Variants in CRKL observed in about 807,000 individuals in gnomAD.
The protein encoded by CRKL is crk-like protein.
A neutral mutation model predicts 23.0 loss-of-function variants in CRKL; 3 were observed. The ratio of observed to expected loss-of-function variants is 0.13; its 90% CI spans 0.06 to 0.34. The LOEUF is 0.34. Ranked by LOEUF, CRKL falls within the 10% of genes least tolerant of loss-of-function variation. The pLI is 1.00. For synonymous variants in CRKL, 188 were observed against 160.7 expected (o/e 1.17, Z -1.28); for missense variants, 256 against 394.5 (o/e 0.65, Z 2.97).
chr22:20,917,802 C>A lies in CRKL; in HGVS notation c.-133C>A. ...CGGAGCCGAGAGGAAAGTGCTGGCC[C>A]AGCCCTCTGAGCGCTCCTCGAGGTG... On this transcript the variant is annotated 5_prime_UTR_variant, in exon 1 of 3. Transcript: ENST00000354336. The A allele has an allele frequency of 1.2e-6, 1 of 864,862 alleles. No individual in the cohort carries two copies. Among genetic ancestry groups the A allele is most frequent in the South Asian group, 1.8e-5 (1 of 56,048 alleles). The allele number at this position is 864,862 out of a possible 1,614,324, so 53.6% of individuals were successfully genotyped here. A position where few individuals can be genotyped will look rare whatever the true frequency, so the allele number is the denominator to read the frequency against.
Position 20,952,305 on chromosome 22 carries a change from C to T in CRKL, c.*2460C>T, listed in dbSNP as rs1323799716. 7 of 229,252 alleles carry T rather than the reference C, an allele frequency of 3.1e-5. No homozygotes were observed. Among genetic ancestry groups the T allele is most frequent in the South Asian group, 1.8e-4 (1 of 5,480 alleles). 14.2% of individuals were successfully genotyped at this position (229,252 alleles called of 1,614,324 possible). A position where few individuals can be genotyped will look rare whatever the true frequency, so the allele number is the denominator to read the frequency against. ...CAATACCCCGACTCACCTTGTGTGG[C>T]GCACTTCAGAATCAGATATACCTAG... On this transcript the variant is annotated 3_prime_UTR_variant, in exon 3 of 3. Transcript: ENST00000354336.
At chr22:20,929,321 C>G (rs186297156) in intron 1 of CRKL, among the ~76,000 whole-genome samples, 114 of 151,330 alleles carry the variant, frequency 7.5e-4, no homozygotes, top group African/African-American at 2.7e-3. Context: ...CCTGCCACCA[C>G]GCTCAGCTAA....
chr22:20,918,129 G>C lies in CRKL; in HGVS notation c.195G>C (p.Ser65=), dbSNP rs2147891816. 1.2e-6 allele frequency: 2 copies of C among 1,614,126 alleles called. No individual in the cohort carries two copies. Among genetic ancestry groups the C allele is most frequent in the Non-Finnish European group, 8.5e-7 (1 of 1,180,030 alleles). ...NSRVSHYIIN[S]LPNRRFKIGD... ...GGGTCTCCCACTACATCATCAACTC[G>C]CTGCCCAACCGCCGTTTTAAGATCG... is the stretch of plus-strand genomic sequence containing the variant. Residue 65 remains serine (S), a synonymous_variant, in exon 1 of 3, where the codon TCG becomes TCC. Coordinates refer to ENST00000354336, the MANE Select transcript of CRKL (RefSeq NM_005207.4).
chr22:20,922,066 G>T (rs1244437349), intron 1 of CRKL, among the ~76,000 whole-genome samples: 1 of 129,970 alleles, frequency 7.7e-6, no homozygotes, highest in Non-Finnish European at 1.6e-5. Context: ...AGGCTAGAGT[G>T]CAGTGGCCCA....
intron 1 of CRKL, among the ~76,000 whole-genome samples, chr22:20,919,553 T>G (rs990166789): frequency 2.0e-5 from 3 of 152,220 alleles, no homozygotes; most frequent in Non-Finnish European, 4.4e-5. Flanking sequence ...TAGCAGAGAT[T>G]TGCTTTTATT....
At position 20,952,107 on chromosome 22, in the gene CRKL, T is replaced by TCCC; in HGVS notation, c.*2262_*2263insCCC. On this transcript the variant is annotated 3_prime_UTR_variant, in exon 3 of 3. Transcript: ENST00000354336. ...GCCCATGTTGAGCCATGAGTGGAGT[T>TCCC]TCCAACAGAGGGAGGAATGTGTGCC... 2 of 227,164 alleles carry TCCC rather than the reference T, an allele frequency of 8.8e-6. No homozygotes were observed. The highest frequency in any genetic ancestry group is 8.7e-6 in the Non-Finnish European group (1 of 115,268). 14.1% of individuals were successfully genotyped at this position (227,164 alleles called of 1,614,324 possible).
Position 20,928,874 on chromosome 22 carries a change from A to G in CRKL, c.312-4905A>G, listed in dbSNP as rs763875148. ...AGCACCTTTGAAACTTCCTTTTTCT[A>G]GAAGTTGATTGTATTGGTTCTTAGC... On this transcript the variant is annotated intron_variant, in intron 1 of 2. Transcript: ENST00000354336. Among the ~76,000 whole-genome samples the G allele has an allele frequency of 4.7e-4, 71 of 150,524 alleles. No individual in the cohort carries two copies. In the Middle Eastern group the frequency reaches 0.01, roughly 22 times the overall value.
rs59011694 is a variant in CRKL, at chr22:20,950,395, T to C, written c.*550T>C. 1 of 232,914 alleles carries C rather than the reference T, an allele frequency of 4.3e-6. No homozygotes were observed. Among genetic ancestry groups the C allele is most frequent in the Non-Finnish European group, 8.5e-6 (1 of 118,060 alleles). 14.4% of individuals were successfully genotyped at this position (232,914 alleles called of 1,614,324 possible). ...TTAATTAGACTTGTGTGGGGGTTTT[T>C]TTTTGTTTTGTTTTGTTTGTTTTGT... On this transcript the variant is annotated 3_prime_UTR_variant, in exon 3 of 3. Transcript: ENST00000354336.
rs546025185 is a variant in CRKL, at chr22:20,931,967, A to G, written c.312-1812A>G. Reference sequence around the variant, plus strand: ...AGTGGGACTACAGGCACCCACCACCATGCCCGGCTAATTTTTTGTATTTTT... The same window carrying G: ...AGTGGGACTACAGGCACCCACCACCGTGCCCGGCTAATTTTTTGTATTTTT... On this transcript the variant is annotated intron_variant, in intron 1 of 2. Transcript: ENST00000354336. Among the ~76,000 whole-genome samples, 6 of 152,114 alleles carry G rather than the reference A, an allele frequency of 3.9e-5. No homozygotes were observed. The South Asian group carries it at 1.2e-3, about 32-fold the overall frequency.
chr22:20,948,225 G>A (rs1163205674), intron 2 of CRKL, among the ~76,000 whole-genome samples: 1 of 152,124 alleles, frequency 6.6e-6, no homozygotes, highest in Non-Finnish European at 1.5e-5. Context: ...TCAATCCTTA[G>A]CCTCATCTTT....
Position 20,949,977 on chromosome 22 carries a change from G to C in CRKL, c.*132G>C, listed in dbSNP as rs1287960932. 4.0e-6 allele frequency: 5 copies of C among 1,235,690 alleles called. No individual in the cohort carries two copies. Among genetic ancestry groups the C allele is most frequent in the South Asian group, 1.6e-5 (1 of 63,594 alleles). The allele number at this position is 1,235,690 out of a possible 1,614,324, so 76.5% of individuals were successfully genotyped here. ...TCCAGCTTTCTGCAGACTGGCAGTC[G>C]CACACACATTTGGAATGCACACAGC... On this transcript the variant is annotated 3_prime_UTR_variant, in exon 3 of 3. Transcript: ENST00000354336.
rs567876179 is a variant in CRKL, at chr22:20,917,966, G to T, written c.32G>T (p.Arg11Leu). Residue 11 changes from arginine (R) to leucine (L), a missense_variant, in exon 1 of 3, where the codon CGC becomes CTC. Arg to Leu is a moderately radical substitution (Grantham distance 102). Around this residue, in one of 3 missense-constraint regions of CRKL, gnomAD observed 85 missense variants for 139.8 expected, o/e 0.61. Coordinates refer to ENST00000354336, the MANE Select transcript of CRKL (RefSeq NM_005207.4). ...TCCGCCAGGTTCGACTCCTCGGACC[G>T]CTCCGCCTGGTATATGGGGCCGGTG... The part of the protein sequence containing the change: MSSARFDSSD[R>L]SAWYMGPVSR... 5.0e-6 allele frequency: 8 copies of T among 1,614,048 alleles called. No homozygotes were observed. Among genetic ancestry groups the T allele is most frequent in the Non-Finnish European group, 6.8e-6 (8 of 1,180,016 alleles).
chr22:20,942,721 A>C (rs1921924181), intron 2 of CRKL, among the ~76,000 whole-genome samples: 1 of 152,098 alleles, frequency 6.6e-6, no homozygotes, highest in African/African-American at 2.4e-5. Flanking sequence ...CCTGGGTTCA[A>C]GCGATTTCTC....
chr22:20,952,480 C>T lies in CRKL; in HGVS notation c.*2635C>T, dbSNP rs918549148. On this transcript the variant is annotated 3_prime_UTR_variant, in exon 3 of 3. Transcript: ENST00000354336. ...ATGTGCCAAAACTAGTAAAACTTAA[C>T]GGACTTACAACCTTGTCAGTTTTTT... 5 of 230,544 alleles carry T rather than the reference C, an allele frequency of 2.2e-5. No individual in the cohort carries two copies. Among genetic ancestry groups the T allele is most frequent in the East Asian group, 6.2e-5 (1 of 16,136 alleles). The allele number at this position is 230,544 out of a possible 1,614,324, so 14.3% of individuals were successfully genotyped here.
At chr22:20,923,169 G>C (rs1182038227) in intron 1 of CRKL, among the ~76,000 whole-genome samples, 2 of 152,016 alleles carry the variant, frequency 1.3e-5, no homozygotes. Flanking sequence ...AGAAAATAAT[G>C]TACTGTACTC....
Position 20,952,997 on chromosome 22 carries a change from T to G in CRKL, c.*3152T>G, listed in dbSNP as rs921852412. ...CTGGGAGCTCATGTGTCCCTGGCGC[T>G]GTGCTAGCTTTCCTTTACAGCTGTT... On this transcript the variant is annotated 3_prime_UTR_variant, in exon 3 of 3. Transcript: ENST00000354336. 1 of 231,824 alleles carries G rather than the reference T, an allele frequency of 4.3e-6. No homozygotes were observed. Among genetic ancestry groups the G allele is most frequent in the Non-Finnish European group, 8.5e-6 (1 of 117,004 alleles). The allele number at this position is 231,824 out of a possible 1,614,324, so 14.4% of individuals were successfully genotyped here.
chr22:20,918,345 C>T (rs1929767027), intron 1 of CRKL, 100 bp downstream of exon 1: 2 of 1,338,364 alleles, frequency 1.5e-6, no homozygotes, highest in Non-Finnish European at 1.0e-6. Flanking sequence ...CCCATATTCC[C>T]CGCATTCTGA....
intron 1 of CRKL, among the ~76,000 whole-genome samples, chr22:20,928,228 A>G (rs1247865502): frequency 6.6e-6 from 1 of 151,248 alleles, no homozygotes; most frequent in East Asian, 2.0e-4. Flanking sequence ...AGGCTGAGGT[A>G]GGAGGATTGC....
rs1442994967 is a variant in CRKL, at chr22:20,933,974, G to A, written c.507G>A (p.Arg169=). ...QWWSARNKDG[R]VGMIPVPYVE... ...GGAGTGCCCGGAACAAGGATGGCCG[G>A]GTTGGGATGATTCCTGTCCCTTATG... Residue 169 remains arginine (R), a synonymous_variant, in exon 2 of 3, where the codon CGG becomes CGA. Coordinates refer to ENST00000354336, the MANE Select transcript of CRKL (RefSeq NM_005207.4). 1.1e-5 allele frequency: 17 copies of A among 1,614,056 alleles called. No homozygotes were observed. The East Asian group carries it at 3.1e-4, about 30-fold the overall frequency.
Sources: gnomAD v4.1 joint callset for allele counts (sites outside exome capture counted in the v4.1 genomes callset) on GRCh38, gnomAD v4.1.1 for gene constraint, gnomAD v4.1.1 regional missense constraint, MANE v1.5 for transcripts, NCBI Gene and HGNC (gene_info 2026-07-23, HGNC 2026-07-21) for gene names.